DGKG: variants seen among roughly 807,000 people sequenced by gnomAD.
The protein encoded by DGKG is diacylglycerol kinase gamma.
A neutral mutation model predicts 105.3 loss-of-function variants in DGKG; 78 were observed. The ratio of observed to expected loss-of-function variants is 0.74; its 90% CI spans 0.62 to 0.89. The LOEUF (loss-of-function observed/expected upper bound fraction) is 0.89. Among genes scored for constraint, DGKG ranks in the 40% least tolerant of loss-of-function variants. The probability of loss-of-function intolerance (pLI) is 0.00; values close to 1 mark genes in which losing one functional copy is unlikely to be tolerated. For missense variants in DGKG, 958 were observed against 1,020.1 expected (o/e 0.94, Z 0.83); for synonymous variants, 346 against 367.1 (o/e 0.94, Z 0.66).
chr3:186,242,748 G>C (rs568891773), intron 19 of DGKG, 180 bp from the exon 20 acceptor site: 78 of 530,368 alleles, frequency 1.5e-4, no homozygotes, highest in Admixed American at 3.4e-4. Context: ...CCTCCAGGGG[G>C]ATGAGCTAGC....
intron 19 of DGKG, 23 bp downstream of exon 19, chr3:186,251,736 A>G (rs1420068506): frequency 6.2e-7 from 1 of 1,613,706 alleles, no homozygotes; most frequent in Admixed American, 1.7e-5. Context: ...TCCATACAGA[A>G]AGGTGATCTT....
At chr3:186,307,902 T>C (rs1724331850) in intron 2 of DGKG, among the ~76,000 whole-genome samples, 1 of 149,894 alleles carries the variant, frequency 6.7e-6, no homozygotes, top group African/African-American at 2.4e-5. Context: ...TTTTACCTGA[T>C]TTTTATTTTT....
chr3:186,150,775 T>C (rs1715722948), intron 24 of DGKG, among the ~76,000 whole-genome samples: 1 of 152,244 alleles, frequency 6.6e-6, no homozygotes, highest in African/African-American at 2.4e-5. Flanking sequence ...TTTAAAACTT[T>C]TTTTTCTTTA....
chr3:186,260,562 T>A, intron 15 of DGKG, 49 bp from the exon 16 acceptor site: 7 of 1,276,186 alleles, frequency 5.5e-6, no homozygotes, highest in Non-Finnish European at 6.8e-6. Context: ...AGAGAAGGAA[T>A]ATGTCATCGT....
chr3:186,259,525 A>G (rs2108571352), intron 16 of DGKG, among the ~76,000 whole-genome samples: 1 of 152,292 alleles, frequency 6.6e-6, no homozygotes, highest in Non-Finnish European at 1.5e-5. Context: ...CATAAACAAT[A>G]GCTTTGGTGT....
At chr3:186,296,642 C>T (rs1235461065) in intron 5 of DGKG, among the ~76,000 whole-genome samples, 5 of 152,224 alleles carry the variant, frequency 3.3e-5, no homozygotes, top group Non-Finnish European at 7.3e-5. Flanking sequence ...CTTGCTCATT[C>T]CACAGGAACC....
At chr3:186,302,494 ATATATATATATACATATG>A (rs71634214) in intron 3 of DGKG, among the ~76,000 whole-genome samples, 16 of 9,922 alleles carry the variant, frequency 1.6e-3, no homozygotes, top group Non-Finnish European at 2.7e-3. Flanking sequence ...ATATATATAT[ATATATATATATACATATG>A]TGTATATATA....
chr3:186,228,923 C>T (rs1240358684), intron 20 of DGKG, among the ~76,000 whole-genome samples: 1 of 152,160 alleles, frequency 6.6e-6, no homozygotes, highest in Non-Finnish European at 1.5e-5. Flanking sequence ...TCCTCACTCT[C>T]TATACCTGTG....
intron 1 of DGKG, among the ~76,000 whole-genome samples, chr3:186,326,947 CAGG>C (rs1412273429): frequency 6.6e-6 from 1 of 152,132 alleles, no homozygotes; most frequent in Non-Finnish European, 1.5e-5. Context: ...TGCTTGAGCC[CAGG>C]AGTTCTAGAC....
chr3:186,177,837 C>T (rs1474027467), intron 22 of DGKG, among the ~76,000 whole-genome samples: 3 of 152,070 alleles, frequency 2.0e-5, no homozygotes, highest in Admixed American at 6.6e-5. Flanking sequence ...AAATAATAGC[C>T]CAACACATAT....
Position 186,148,735 on chromosome 3 carries a change from A to G in DGKG, c.*1355T>C. ...GTAAATCCAGCCCAGCAGGTCTTTC[A>G]TGCTTGTTTTGAGGATCCAGAATAG... On this transcript the variant is annotated 3_prime_UTR_variant, in exon 25 of 25. Coordinates refer to ENST00000265022, the MANE Select transcript of DGKG (RefSeq NM_001346.3). 1.0e-6 allele frequency: 1 copy of G among 985,262 alleles called. No homozygotes were observed. The highest frequency in any genetic ancestry group is 1.2e-6 in the Non-Finnish European group (1 of 829,758). The allele number at this position is 985,262 out of a possible 1,614,324, so 61.0% of individuals were successfully genotyped here.
chr3:186,337,041 A>G (rs1038467745), intron 1 of DGKG, among the ~76,000 whole-genome samples: 2 of 152,234 alleles, frequency 1.3e-5, no homozygotes, highest in Non-Finnish European at 2.9e-5. Flanking sequence ...TATTACAGGC[A>G]GTTCTAAGAG....
intron 22 of DGKG, among the ~76,000 whole-genome samples, chr3:186,182,696 C>G (rs1717417277): frequency 6.6e-6 from 1 of 152,112 alleles, no homozygotes. Flanking sequence ...ACATGTAACT[C>G]TAAGATTTTT....
intron 5 of DGKG, among the ~76,000 whole-genome samples, chr3:186,290,602 G>T (rs1723271631): frequency 6.6e-6 from 1 of 152,218 alleles, no homozygotes; most frequent in Non-Finnish European, 1.5e-5. Flanking sequence ...TCCTACAACT[G>T]CCACATCAGA....
chr3:186,232,222 A>C (rs1720185262), intron 20 of DGKG, among the ~76,000 whole-genome samples: 1 of 152,044 alleles, frequency 6.6e-6, no homozygotes, highest in Non-Finnish European at 1.5e-5. Context: ...GGCCAATAAA[A>C]CTCCTACAGC....
chr3:186,306,722 T>C, intron 3 of DGKG, 179 bp downstream of exon 3: 1 of 590,768 alleles, frequency 1.7e-6, no homozygotes, highest in Non-Finnish European at 3.0e-6. Flanking sequence ...GTGGAATGAG[T>C]GTATGGGCTT....
chr3:186,152,591 C>T (rs1258427403), intron 24 of DGKG, among the ~76,000 whole-genome samples: 1 of 152,176 alleles, frequency 6.6e-6, no homozygotes, highest in Non-Finnish European at 1.5e-5. Flanking sequence ...TACGTGCTGG[C>T]AGTGGAGATG....
At chr3:186,269,018 A>C (rs1053015639) in intron 11 of DGKG, 101 bp from the exon 12 acceptor site, 2 of 772,938 alleles carry the variant, frequency 2.6e-6, no homozygotes. Context: ...CGGGGGAGCC[A>C]GAGGGACTGT....
chr3:186,242,745 G>A, intron 19 of DGKG, 177 bp from the exon 20 acceptor site: 1 of 534,326 alleles, frequency 1.9e-6, no homozygotes, highest in Non-Finnish European at 3.4e-6. Flanking sequence ...CTGCCTCCAG[G>A]GGGATGAGCT....
Sources: allele counts gnomAD v4.1 joint callset (sites outside exome capture counted in the v4.1 genomes callset), GRCh38; gene constraint gnomAD v4.1.1; transcripts MANE v1.5; gene names NCBI Gene and HGNC (gene_info 2026-07-23, HGNC 2026-07-21).